Variants in SND1 observed in about 807,000 individuals in gnomAD.
SND1 encodes staphylococcal nuclease domain-containing protein 1.
SND1 carries 38 observed loss-of-function variants against 121.7 expected under a neutral mutation model. The ratio of observed to expected loss-of-function variants is 0.31; its 90% CI spans 0.24 to 0.41. The LOEUF is 0.41. Among genes scored for constraint, SND1 ranks in the 10% least tolerant of loss-of-function variants. The pLI, the probability that SND1 is intolerant of heterozygous loss-of-function variation, is 1.00. For synonymous variants in SND1, 401 were observed against 447.4 expected (o/e 0.90, Z 1.31); for missense variants, 868 against 1,184.6 (o/e 0.73, Z 3.92).
intron 14 of SND1, among the ~76,000 whole-genome samples, chr7:127,916,594 G>A (rs978854747): frequency 2.0e-5 from 3 of 152,180 alleles, no homozygotes; most frequent in African/African-American, 7.2e-5. Context: ...ATTACGTATG[G>A]ATGGGGAGTG....
At chr7:127,995,093 C>T (rs890981151) in intron 16 of SND1, among the ~76,000 whole-genome samples, 11 of 152,174 alleles carry the variant, frequency 7.2e-5, no homozygotes, top group Admixed American at 2.6e-4. Context: ...TGTGTAGTTA[C>T]GACAGAGGCT....
intron 13 of SND1, among the ~76,000 whole-genome samples, chr7:127,889,626 A>G (rs80110512): frequency 6.8e-6 from 1 of 147,794 alleles, no homozygotes; most frequent in African/African-American, 2.5e-5. Flanking sequence ...CTTTCAAGCT[A>G]TTTTTTTTTT....
At chr7:128,084,892 T>A in intron 19 of SND1, 45 bp downstream of exon 19, 1 of 1,559,816 alleles carries the variant, frequency 6.4e-7, no homozygotes, top group Non-Finnish European at 8.7e-7. Context: ...GCAGGAACGA[T>A]AGCAGGGCTG....
At chr7:127,985,344 A>T (rs988788299) in intron 15 of SND1, among the ~76,000 whole-genome samples, 8 of 151,968 alleles carry the variant, frequency 5.3e-5, no homozygotes, top group Non-Finnish European at 4.4e-5. Flanking sequence ...TGCAACCTCC[A>T]CTTCTGGAAT....
At chr7:128,055,532 G>A (rs878911994) in intron 16 of SND1, among the ~76,000 whole-genome samples, 8 of 152,296 alleles carry the variant, frequency 5.3e-5, no homozygotes, top group Admixed American at 5.2e-4. Context: ...GGTAGTCAGA[G>A]AAGTAATGAT....
At chr7:128,030,375 A>T in intron 16 of SND1, 1 of 1,613,986 alleles carries the variant, frequency 6.2e-7, no homozygotes, top group South Asian at 1.1e-5. Flanking sequence ...GGCCTGGATC[A>T]TCTGGATGTT....
intron 10 of SND1, among the ~76,000 whole-genome samples, chr7:127,736,837 T>A (rs1266575836): frequency 1.3e-5 from 2 of 152,172 alleles, no homozygotes; most frequent in African/African-American, 4.8e-5. Context: ...GGACCACTGC[T>A]CTTTTCTGTT....
chr7:128,044,161 A>C (rs1308831420), intron 16 of SND1, among the ~76,000 whole-genome samples: 1 of 152,224 alleles, frequency 6.6e-6, no homozygotes, highest in African/African-American at 2.4e-5. Context: ...CATTTGGCTG[A>C]ACGAGAGTTT....
chr7:128,055,214 C>G (rs1215021766), intron 16 of SND1, among the ~76,000 whole-genome samples: 1 of 152,170 alleles, frequency 6.6e-6, no homozygotes, highest in East Asian at 1.9e-4. Context: ...GGGCCGGGTT[C>G]TGTTCTTTCA....
chr7:127,905,769 A>C (rs892434021), intron 14 of SND1, among the ~76,000 whole-genome samples: 1 of 152,178 alleles, frequency 6.6e-6, no homozygotes, highest in Non-Finnish European at 1.5e-5. Context: ...TGTGCCATGC[A>C]TAGGGAAGAT....
chr7:127,982,642 C>G (rs1315283980), intron 15 of SND1, among the ~76,000 whole-genome samples: 1 of 152,220 alleles, frequency 6.6e-6, no homozygotes, highest in Non-Finnish European at 1.5e-5. Flanking sequence ...ACTGTAGCCT[C>G]ATATCATGAA....
At chr7:127,884,216 T>C (rs148491160) in intron 12 of SND1, among the ~76,000 whole-genome samples, 1 of 152,272 alleles carries the variant, frequency 6.6e-6, no homozygotes, top group South Asian at 2.1e-4. Context: ...GTTCCAGGCT[T>C]ATCTTGTACT....
At chr7:127,714,030 C>T (rs1796341688) in intron 9 of SND1, among the ~76,000 whole-genome samples, 1 of 151,764 alleles carries the variant, frequency 6.6e-6, no homozygotes, top group African/African-American at 2.4e-5. Flanking sequence ...CCTGTTCCTG[C>T]TGCTGGATCC....
At chr7:127,726,046 A>C (rs1796576488) in intron 10 of SND1, among the ~76,000 whole-genome samples, 1 of 152,082 alleles carries the variant, frequency 6.6e-6, no homozygotes, top group Admixed American at 6.5e-5. Flanking sequence ...CTTAAATTAT[A>C]CTGGAAGATG....
At chr7:128,038,891 G>A (rs1325302834) in intron 16 of SND1, among the ~76,000 whole-genome samples, 1 of 152,154 alleles carries the variant, frequency 6.6e-6, no homozygotes, top group Non-Finnish European at 1.5e-5. Context: ...AGCAACCAAA[G>A]TGATCTTTGT....
intron 10 of SND1, among the ~76,000 whole-genome samples, chr7:127,780,368 G>A (rs565625895): frequency 6.6e-6 from 1 of 152,244 alleles, no homozygotes; most frequent in Admixed American, 6.5e-5. Context: ...CAGTGAGATG[G>A]GTGCCTGAGT....
At position 128,052,511 on chromosome 7, in the gene SND1, G is replaced by A. The variant is rs1793064231; in HGVS notation, c.1780-21991G>A. On this transcript the variant is annotated intron_variant, in intron 16 of 23. Transcript: ENST00000354725. This position sits in a 1 kb window ranked among gnomAD's most constrained non-coding sequence, Gnocchi z 4.6. ...CCTCCTAGCAGCATCTGCTGAAAGG[G>A]GTGTAGTCATCCTGGCCCCAGACAG... Among the ~76,000 whole-genome samples the A allele has an allele frequency of 6.6e-6, 1 of 152,188 alleles. No homozygotes were observed. The highest frequency in any genetic ancestry group is 1.5e-5 in the Non-Finnish European group (1 of 68,032).
intron 14 of SND1, among the ~76,000 whole-genome samples, chr7:127,911,706 TGGTC>T (rs1800459082): frequency 1.3e-5 from 2 of 152,212 alleles, no homozygotes; most frequent in African/African-American, 4.8e-5. Flanking sequence ...TTCACCATGT[TGGTC>T]AGGCTGGTCT....
intron 1 of SND1, among the ~76,000 whole-genome samples, chr7:127,682,399 G>A (rs181195510): frequency 4.6e-5 from 7 of 152,268 alleles, no homozygotes; most frequent in Admixed American, 2.6e-4. Context: ...TGGCAGAACT[G>A]AGAAATGTCT....
Sources: allele counts gnomAD v4.1 joint callset (sites outside exome capture counted in the v4.1 genomes callset), GRCh38; gene constraint gnomAD v4.1.1; non-coding constraint Gnocchi (gnomAD v3.1); transcripts MANE v1.5; gene names NCBI Gene and HGNC (gene_info 2026-07-23, HGNC 2026-07-21).